The following PARD3 variants were observed in gnomAD, a reference collection of about 807,000 sequenced individuals.
The protein encoded by PARD3 is partitioning defective 3 homolog.
A neutral mutation model predicts 155.4 loss-of-function variants in PARD3; 75 were observed. That is an observed-to-expected ratio of 0.48 (90% confidence interval 0.40 to 0.58). PARD3 has a LOEUF of 0.58. Among genes scored for constraint, PARD3 ranks in the 20% least tolerant of loss-of-function variants. PARD3 has a pLI of 0.00. For missense variants in PARD3, 1,642 were observed against 1,721.7 expected (o/e 0.95, Z 0.82); for synonymous variants, 576 against 610.5 (o/e 0.94, Z 0.83).
chr10:34,460,177 G>A (rs1223752916), intron 4 of PARD3, among the ~76,000 whole-genome samples: 1 of 152,064 alleles, frequency 6.6e-6, no homozygotes, highest in African/African-American at 2.4e-5. Context: ...GAAAAAGCAT[G>A]TTCTCTAAAA....
intron 2 of PARD3, among the ~76,000 whole-genome samples, chr10:34,595,350 T>G (rs914940717): frequency 6.6e-6 from 1 of 152,176 alleles, no homozygotes; most frequent in African/African-American, 2.4e-5. Flanking sequence ...ATTTACTGAG[T>G]ATTCATTCAG....
intron 2 of PARD3, among the ~76,000 whole-genome samples, chr10:34,534,341 A>T (rs2083071863): frequency 6.6e-6 from 1 of 151,688 alleles, no homozygotes; most frequent in Non-Finnish European, 1.5e-5. Context: ...GGGTCAAGTC[A>T]ATGGAAAGAG....
At chr10:34,508,254 A>T (rs1396133010) in intron 3 of PARD3, among the ~76,000 whole-genome samples, 1 of 152,238 alleles carries the variant, frequency 6.6e-6, no homozygotes, top group African/African-American at 2.4e-5. Flanking sequence ...TAAAATTAAC[A>T]TAGCTAATAA....
At chr10:34,602,780 A>T (rs969410567) in intron 2 of PARD3, among the ~76,000 whole-genome samples, 1 of 152,204 alleles carries the variant, frequency 6.6e-6, no homozygotes, top group African/African-American at 2.4e-5. Flanking sequence ...CTGTATCTTC[A>T]TGTGCGTGAA....
Position 34,806,441 on chromosome 10 carries a change from G to A in PARD3, c.120+8435C>T, listed in dbSNP as rs906008980. On this transcript the variant is annotated intron_variant, in intron 1 of 24. Transcript: ENST00000374788. The stretch of plus-strand genomic sequence containing the variant: ...CCTGACCTCGTGATCCACCCACCTC[G>A]GCCTCCCAAAGTACTGGGATTACAG... Among the ~76,000 whole-genome samples the A allele has an allele frequency of 4.6e-5, 7 of 151,908 alleles. 1 individual carries two copies. Among genetic ancestry groups the A allele is most frequent in the Admixed American group, 1.3e-4 (2 of 15,246 alleles).
chr10:34,593,475 GCAT>G (rs2088922804), intron 2 of PARD3, among the ~76,000 whole-genome samples: 1 of 152,096 alleles, frequency 6.6e-6, no homozygotes, highest in Non-Finnish European at 1.5e-5. Context: ...TATAGAATGT[GCAT>G]CATTTCTAAA....
At position 34,535,164 on chromosome 10, in the gene PARD3, C is replaced by T. The variant is rs114563986; in HGVS notation, c.223-18005G>A. On this transcript the variant is annotated intron_variant, in intron 2 of 24. Transcript: ENST00000374788. Reference sequence around the variant, plus strand: ...TAAGTAGCTGCTTTGAATATTCCTACGTTTTAATCCCCATATGTCTTGAGG... The same window carrying T: ...TAAGTAGCTGCTTTGAATATTCCTATGTTTTAATCCCCATATGTCTTGAGG... Among the ~76,000 whole-genome samples the T allele has an allele frequency of 2.3e-3, 351 of 152,276 alleles. 3 individuals carry two copies. Among genetic ancestry groups the T allele is most frequent in the African/African-American group, 7.9e-3 (328 of 41,554 alleles).
At chr10:34,583,406 T>C (rs2087684881) in intron 2 of PARD3, among the ~76,000 whole-genome samples, 1 of 152,200 alleles carries the variant, frequency 6.6e-6, no homozygotes, top group Admixed American at 6.5e-5. Context: ...TGCTCCCTGC[T>C]TTTATTAGTA....
At chr10:34,179,199 CAT>C (rs199900516) in intron 22 of PARD3, among the ~76,000 whole-genome samples, 2,190 of 129,748 alleles carry the variant, frequency 0.017, 26 homozygotes, top group African/African-American at 0.06. Flanking sequence ...CACACACACA[CAT>C]ATAAAATTTA....
chr10:34,429,844 C>G (rs1292381715), intron 5 of PARD3, among the ~76,000 whole-genome samples: 1 of 152,174 alleles, frequency 6.6e-6, no homozygotes, highest in African/African-American at 2.4e-5. Flanking sequence ...CTCGGCCTCC[C>G]AAAGTGCTGG....
intron 5 of PARD3, among the ~76,000 whole-genome samples, chr10:34,404,094 G>C (rs1043398520): frequency 6.6e-6 from 1 of 152,156 alleles, no homozygotes; most frequent in East Asian, 1.9e-4. Context: ...AGAGCATGGA[G>C]AATATTATTT....
chr10:34,418,544 T>C (rs899835801), intron 5 of PARD3, among the ~76,000 whole-genome samples: 1 of 152,212 alleles, frequency 6.6e-6, no homozygotes, highest in Non-Finnish European at 1.5e-5. Flanking sequence ...CTGCAAGCCT[T>C]AATCTTTTAT....
At chr10:34,414,741 TAGAC>T in intron 5 of PARD3, among the ~76,000 whole-genome samples, 1 of 152,156 alleles carries the variant, frequency 6.6e-6, no homozygotes, top group African/African-American at 2.4e-5. Context: ...CCCAAGGTGA[TAGAC>T]ATGCCCAGTA....
intron 14 of PARD3, among the ~76,000 whole-genome samples, chr10:34,353,062 C>T (rs1378883071): frequency 6.6e-6 from 1 of 151,644 alleles, no homozygotes; most frequent in African/African-American, 2.4e-5. Context: ...GGAGCCCCTC[C>T]GCCCCGCAGC....
At chr10:34,685,415 C>T (rs182023763) in intron 2 of PARD3, among the ~76,000 whole-genome samples, 164 of 152,308 alleles carry the variant, frequency 1.1e-3, no homozygotes, top group African/African-American at 3.5e-3. Context: ...TTCAACAACT[C>T]ACCTACCTGA....
At chr10:34,139,016 C>G (rs889039618) in intron 22 of PARD3, among the ~76,000 whole-genome samples, 2 of 151,320 alleles carry the variant, frequency 1.3e-5, no homozygotes, top group African/African-American at 2.4e-5. Context: ...ATCACTCAGA[C>G]AGTTTTCCCA....
intron 22 of PARD3, among the ~76,000 whole-genome samples, chr10:34,222,133 T>G (rs970350085): frequency 6.6e-6 from 1 of 152,194 alleles, no homozygotes; most frequent in African/African-American, 2.4e-5. Context: ...AATAGCAAAT[T>G]AAAAACATCA....
intron 14 of PARD3, among the ~76,000 whole-genome samples, chr10:34,349,469 T>G (rs948466025): frequency 4.7e-5 from 7 of 150,160 alleles, no homozygotes; most frequent in African/African-American, 1.7e-4. Context: ...AGATTACAAC[T>G]GACAGCTTTA....
rs534186317 is a variant in PARD3, at chr10:34,456,328, C to G, written c.583-5880G>C. Among the ~76,000 whole-genome samples, 3 of 152,040 alleles carry G rather than the reference C, an allele frequency of 2.0e-5. No individual in the cohort carries two copies. The East Asian group carries it at 5.8e-4, about 29-fold the overall frequency. ...CTTTTTTTTCTGAGACGAAGTTTTG[C>G]TCTTGTGGCCCAGGCTGGAGTGCAG... On this transcript the variant is annotated intron_variant, in intron 4 of 24. Transcript: ENST00000374788.
Sources: allele counts gnomAD v4.1 joint callset (sites outside exome capture counted in the v4.1 genomes callset), GRCh38; gene constraint gnomAD v4.1.1; transcripts MANE v1.5; gene names NCBI Gene and HGNC (gene_info 2026-07-23, HGNC 2026-07-21).